CPNE4: variants seen among roughly 807,000 people sequenced by gnomAD.
The protein encoded by CPNE4 is copine-4.
CPNE4 carries 25 observed loss-of-function variants against 67.9 expected under a neutral mutation model. The observed-to-expected ratio is 0.37, with a 90% CI of 0.27 to 0.51. CPNE4 has a LOEUF of 0.51. Among genes scored for constraint, CPNE4 ranks in the 20% least tolerant of loss-of-function variants. The pLI, the probability that CPNE4 is intolerant of heterozygous loss-of-function variation, is 0.93. For missense variants in CPNE4, 464 were observed against 690.8 expected (o/e 0.67, Z 3.68); for synonymous variants, 242 against 244.9 (o/e 0.99, Z 0.11).
At chr3:131,743,855 C>CGGGA in intron 2 of CPNE4, among the ~76,000 whole-genome samples, 1 of 144,324 alleles carries the variant, frequency 6.9e-6, no homozygotes, top group East Asian at 2.2e-4. Context: ...CCCAGCTACT[C>CGGGA]GGGAGGCTGA....
chr3:131,738,893 C>T (rs1370059056), intron 2 of CPNE4, among the ~76,000 whole-genome samples: 3 of 140,790 alleles, frequency 2.1e-5, no homozygotes, highest in Non-Finnish European at 4.5e-5. Context: ...TTGCTCTCGT[C>T]GCCCAGGCTA....
chr3:131,826,606 C>T (rs893338364), intron 2 of CPNE4, among the ~76,000 whole-genome samples: 2 of 151,964 alleles, frequency 1.3e-5, no homozygotes, highest in African/African-American at 4.8e-5. Flanking sequence ...GCTGTTAATT[C>T]CCTATCTTCC....
intron 2 of CPNE4, among the ~76,000 whole-genome samples, chr3:131,892,751 A>T (rs2088165792): frequency 6.6e-6 from 1 of 152,130 alleles, no homozygotes; most frequent in African/African-American, 2.4e-5. Flanking sequence ...AGTTGTGATC[A>T]GCTTAAAATC....
Position 131,717,874 on chromosome 3 carries a change from T to TTTCTCTTTC in CPNE4, c.360+5571_360+5572insGAAAGAGAA, listed in dbSNP as rs2081747183. 2.7e-4 allele frequency among the ~76,000 whole-genome samples: 26 copies of TTTCTCTTTC among 97,038 alleles called. 1 individual carries two copies. Among genetic ancestry groups the TTTCTCTTTC allele is most frequent in the African/African-American group, 3.9e-4 (8 of 20,308 alleles). 63.7% of individuals were successfully genotyped at this position (97,038 alleles called of 152,430 possible). A position where few individuals can be genotyped will look rare whatever the true frequency, so the allele number is the denominator to read the frequency against. ...CCTCGCTCCCTCCTTTCTTTCTTTC[T>TTTCTCTTTC]TTTCTTTCTTTCTTTCTTTCTTTCT... On this transcript the variant is annotated intron_variant, in intron 3 of 15. Transcript: ENST00000429747.
intron 1 of CPNE4, among the ~76,000 whole-genome samples, chr3:131,936,002 G>T (rs2071208276): frequency 6.6e-6 from 1 of 151,932 alleles, no homozygotes; most frequent in Non-Finnish European, 1.5e-5. Flanking sequence ...CAGAACCATA[G>T]ACCTCGTCCT....
intron 7 of CPNE4, among the ~76,000 whole-genome samples, chr3:131,606,343 T>A (rs911463437): frequency 9.2e-5 from 14 of 152,250 alleles, no homozygotes; most frequent in African/African-American, 3.4e-4. Context: ...ACAATACAGA[T>A]CCCAAAAGCA....
chr3:131,988,037 C>T (rs1427352948), intron 1 of CPNE4, among the ~76,000 whole-genome samples: 3 of 152,088 alleles, frequency 2.0e-5, no homozygotes, highest in Non-Finnish European at 2.9e-5. Context: ...TTACAAATAC[C>T]ATAGTGAGTC....
chr3:131,902,399 C>A (rs1239310837), intron 2 of CPNE4, among the ~76,000 whole-genome samples: 1 of 152,034 alleles, frequency 6.6e-6, no homozygotes, highest in Non-Finnish European at 1.5e-5. Context: ...TTTGTCCCAC[C>A]AGTTCTACTT....
At chr3:132,007,878 G>A (rs7647029) in intron 1 of CPNE4, among the ~76,000 whole-genome samples, 90,350 of 152,032 alleles carry the variant, frequency 0.59, 27,689 homozygotes, top group South Asian at 0.7. Flanking sequence ...CACTGCACCC[G>A]TCTTCCCTAA....
intron 2 of CPNE4, among the ~76,000 whole-genome samples, chr3:131,745,012 G>A (rs547262821): frequency 2.6e-5 from 4 of 152,272 alleles, no homozygotes; most frequent in East Asian, 3.9e-4. Flanking sequence ...CTGACAAGCT[G>A]TTTTGAAGAA....
At chr3:131,798,257 G>A (rs1483425269) in intron 2 of CPNE4, among the ~76,000 whole-genome samples, 2 of 152,064 alleles carry the variant, frequency 1.3e-5, no homozygotes, top group African/African-American at 4.8e-5. Context: ...CTCTATCATT[G>A]AACCTGTGCC....
chr3:131,559,961 G>A (rs1254024026), intron 11 of CPNE4, among the ~76,000 whole-genome samples: 1 of 151,958 alleles, frequency 6.6e-6, no homozygotes, highest in African/African-American at 2.4e-5. Context: ...TCAGATTTCA[G>A]TGAAAAAATG....
chr3:131,538,176 C>T (rs1395611329), intron 15 of CPNE4, among the ~76,000 whole-genome samples: 1 of 152,218 alleles, frequency 6.6e-6, no homozygotes, highest in African/African-American at 2.4e-5. Context: ...AATAGATCTT[C>T]CTCTGATGAT....
intron 11 of CPNE4, among the ~76,000 whole-genome samples, chr3:131,561,792 C>T (rs1190302090): frequency 6.6e-5 from 10 of 151,978 alleles, no homozygotes; most frequent in Admixed American, 6.6e-5. Context: ...TCCAGAGCCC[C>T]GACTTGAAAT....
chr3:131,564,392 G>T, intron 10 of CPNE4, 43 bp from the exon 11 acceptor site: 1 of 1,580,202 alleles, frequency 6.3e-7, no homozygotes. Context: ...TAAAGTGGAT[G>T]CATCTCCTAA....
intron 6 of CPNE4, among the ~76,000 whole-genome samples, chr3:131,682,787 G>A (rs768090766): frequency 2.6e-5 from 4 of 151,980 alleles, no homozygotes; most frequent in Admixed American, 1.3e-4. Flanking sequence ...GCTTGGAGTC[G>A]GAAACCTTAG....
intron 2 of CPNE4, among the ~76,000 whole-genome samples, chr3:131,861,551 C>T (rs2086685794): frequency 6.6e-6 from 1 of 152,016 alleles, no homozygotes; most frequent in African/African-American, 2.4e-5. Flanking sequence ...CTGCCTCAGC[C>T]TCCCAAGTAG....
intron 10 of CPNE4, among the ~76,000 whole-genome samples, chr3:131,566,919 C>G (rs1007346734): frequency 6.6e-5 from 10 of 151,964 alleles, no homozygotes; most frequent in African/African-American, 1.9e-4. Context: ...TACCTTGATT[C>G]TGCTTTAATT....
intron 2 of CPNE4, among the ~76,000 whole-genome samples, chr3:131,835,604 AGCCTT>A (rs2108005713): frequency 6.6e-6 from 1 of 152,140 alleles, no homozygotes; most frequent in Admixed American, 6.5e-5. Flanking sequence ...GTAAGACAGA[AGCCTT>A]TTACCCTACC....
Sources: gnomAD v4.1 joint callset for allele counts (sites outside exome capture counted in the v4.1 genomes callset) on GRCh38, gnomAD v4.1.1 for gene constraint, MANE v1.5 for transcripts, NCBI Gene and HGNC (gene_info 2026-07-23, HGNC 2026-07-21) for gene names.